Variants in NCKAP5 observed in about 807,000 individuals in gnomAD.
NCKAP5 encodes NCK associated protein 5, also known as nck-associated protein 5.
A neutral mutation model predicts 167.0 loss-of-function variants in NCKAP5; 92 were observed. The observed-to-expected ratio is 0.55, with a 90% CI of 0.47 to 0.66. The LOEUF is 0.66. NCKAP5 is among the 30% of genes least tolerant of loss of function. NCKAP5 has a pLI of 0.00. For missense variants in NCKAP5, 2,378 were observed against 2,315.0 expected (o/e 1.03, Z -0.56); for synonymous variants, 891 against 877.4 (o/e 1.02, Z -0.27).
chr2:132,708,230 A>G lies in NCKAP5; in HGVS notation c.5713+17397T>C, dbSNP rs1328372085. ...GCAGCCTAAGTAACAGGTTGGCCAC[A>G]GTGGGGTAGAGCACCAAATGGGCTT... is the stretch of plus-strand genomic sequence containing the variant. On this transcript the variant is annotated intron_variant, in intron 19 of 19. Transcript: ENST00000409261. 2.0e-5 allele frequency among the ~76,000 whole-genome samples: 3 copies of G among 152,090 alleles called. No homozygotes were observed. In the East Asian group the frequency reaches 5.8e-4, roughly 29 times the overall value.
chr2:132,937,498 C>T (rs191574930), intron 8 of NCKAP5, among the ~76,000 whole-genome samples: 13 of 152,292 alleles, frequency 8.5e-5, no homozygotes, highest in African/African-American at 2.4e-4. Flanking sequence ...GCTACCTGCA[C>T]CTTAAATGTC....
At chr2:133,586,267 C>A in the NCKAP5 span, among the ~76,000 whole-genome samples, 1 of 152,142 alleles carries the variant, frequency 6.6e-6, no homozygotes, top group South Asian at 2.1e-4. Flanking sequence ...CACAAGTCCA[C>A]GTGATCTGCG....
intron 6 of NCKAP5, chr2:133,123,557 T>C (rs948142092): frequency 2.4e-5 from 6 of 247,418 alleles, no homozygotes; most frequent in Admixed American, 1.7e-4. Context: ...CCAATTTTTA[T>C]GAAAAGTCTC....
chr2:132,874,909 ATT>A (rs1189085507), intron 9 of NCKAP5, among the ~76,000 whole-genome samples: 1 of 151,038 alleles, frequency 6.6e-6, no homozygotes, highest in Non-Finnish European at 1.5e-5. Context: ...ATTTTATTTT[ATT>A]TTATTTTATT....
At chr2:133,546,789 G>A (rs1367309958) in intron 2 of NCKAP5, among the ~76,000 whole-genome samples, 1 of 152,194 alleles carries the variant, frequency 6.6e-6, no homozygotes, top group African/African-American at 2.4e-5. Flanking sequence ...ACCCTATCTA[G>A]GCATTCTGCT....
chr2:133,574,201 C>T, the NCKAP5 span, among the ~76,000 whole-genome samples: 321 of 152,294 alleles, frequency 2.1e-3, 1 homozygote, highest in African/African-American at 7.4e-3. Flanking sequence ...CAGCGCCTGC[C>T]CTGAATGGTG....
the NCKAP5 span, among the ~76,000 whole-genome samples, chr2:133,602,808 C>T: frequency 2.0e-5 from 3 of 152,198 alleles, no homozygotes; most frequent in East Asian, 3.9e-4. Flanking sequence ...CCCAGTCTTG[C>T]GAAGGACGGA....
intron 4 of NCKAP5, among the ~76,000 whole-genome samples, chr2:133,285,303 A>G (rs1051976074): frequency 6.6e-6 from 1 of 152,266 alleles, no homozygotes; most frequent in Non-Finnish European, 1.5e-5. Flanking sequence ...CAATGTGACA[A>G]AGATGAATGT....
intron 9 of NCKAP5, among the ~76,000 whole-genome samples, chr2:132,878,077 G>A (rs1200202472): frequency 2.6e-5 from 4 of 152,134 alleles, no homozygotes; most frequent in East Asian, 1.9e-4. Context: ...GTCAGGGAGC[G>A]AATGGCCAAT....
chr2:133,457,365 G>C (rs1405373819), intron 3 of NCKAP5, among the ~76,000 whole-genome samples: 1 of 152,092 alleles, frequency 6.6e-6, no homozygotes, highest in Non-Finnish European at 1.5e-5. Flanking sequence ...CCCTTGGTGA[G>C]ATATCAAATC....
intron 19 of NCKAP5, among the ~76,000 whole-genome samples, chr2:132,675,170 G>T (rs1192582600): frequency 1.3e-5 from 2 of 152,184 alleles, no homozygotes; most frequent in African/African-American, 2.4e-5. Flanking sequence ...TGCAAGGCAG[G>T]CTGAAGGCTT....
chr2:133,665,768 C>G, the NCKAP5 span, among the ~76,000 whole-genome samples: 1 of 152,178 alleles, frequency 6.6e-6, no homozygotes, highest in African/African-American at 2.4e-5. Flanking sequence ...CAAAGTATCC[C>G]TGTGTTTATT....
At chr2:132,963,474 G>C (rs986990823) in intron 8 of NCKAP5, among the ~76,000 whole-genome samples, 3 of 152,168 alleles carry the variant, frequency 2.0e-5, no homozygotes, top group Non-Finnish European at 4.4e-5. Context: ...AATCCAGTTT[G>C]AGGGCTGAAT....
chr2:132,680,829 T>G (rs1281151296), intron 19 of NCKAP5, among the ~76,000 whole-genome samples: 1 of 152,190 alleles, frequency 6.6e-6, no homozygotes, highest in African/African-American at 2.4e-5. Flanking sequence ...AAAATTGTTA[T>G]AAGAAACACA....
At chr2:133,135,634 A>C (rs1042918372) in intron 5 of NCKAP5, among the ~76,000 whole-genome samples, 2 of 151,800 alleles carry the variant, frequency 1.3e-5, no homozygotes, top group Non-Finnish European at 2.9e-5. Flanking sequence ...AAATATAATA[A>C]ATTAAATAAT....
Position 132,895,197 on chromosome 2 carries a change from G to T in NCKAP5, c.580-16281C>A, listed in dbSNP as rs184011384. Among the ~76,000 whole-genome samples the T allele has an allele frequency of 8.5e-3, 1,284 of 151,914 alleles. 17 individuals are homozygous for T. Among genetic ancestry groups the T allele is most frequent in the African/African-American group, 0.03 (1,231 of 41,440 alleles). On this transcript the variant is annotated intron_variant, in intron 8 of 19. Coordinates refer to ENST00000409261, the MANE Select transcript of NCKAP5 (RefSeq NM_207363.3). ...ATACAAAAAATTAGCCGGGCGTGGT[G>T]GCGGGCGCCTGTAGTCCCAGCTACT... is the stretch of plus-strand genomic sequence containing the variant.
intron 3 of NCKAP5, among the ~76,000 whole-genome samples, chr2:133,478,553 G>A (rs934193377): frequency 5.3e-5 from 8 of 152,104 alleles, no homozygotes; most frequent in African/African-American, 1.4e-4. Flanking sequence ...GGTAAAGATC[G>A]AATCAATTAT....
At chr2:133,601,374 C>CA in the NCKAP5 span, among the ~76,000 whole-genome samples, 3 of 152,308 alleles carry the variant, frequency 2.0e-5, no homozygotes, top group African/African-American at 7.2e-5. Flanking sequence ...AATTACACAG[C>CA]ACCAACAATG....
chr2:133,586,573 T>C, the NCKAP5 span, among the ~76,000 whole-genome samples: 1 of 152,172 alleles, frequency 6.6e-6, no homozygotes, highest in Non-Finnish European at 1.5e-5. Context: ...CAAATGTGAC[T>C]CAGGCATCTT....
Sources: gnomAD v4.1 joint callset for allele counts (sites outside exome capture counted in the v4.1 genomes callset) on GRCh38, gnomAD v4.1.1 for gene constraint, MANE v1.5 for transcripts, NCBI Gene and HGNC (gene_info 2026-07-23, HGNC 2026-07-21) for gene names.